The following MAP3K20 variants were observed in gnomAD, a reference collection of about 807,000 sequenced individuals.
MAP3K20 encodes the protein mitogen-activated protein kinase kinase kinase 20.
A neutral mutation model predicts 85.7 loss-of-function variants in MAP3K20; 40 were observed. The ratio of observed to expected loss-of-function variants is 0.47; its 90% confidence interval spans 0.36 to 0.61. MAP3K20 has a LOEUF of 0.61. MAP3K20 is among the 20% of genes least tolerant of loss of function. The probability of loss-of-function intolerance (pLI) is 0.00; values close to 1 mark genes in which losing one functional copy is unlikely to be tolerated. For synonymous variants in MAP3K20, 325 were observed against 327.7 expected (o/e 0.99, Z 0.09); for missense variants, 817 against 961.7 (o/e 0.85, Z 1.99).
Position 173,134,399 on chromosome 2 carries a change from T to C in MAP3K20, c.160-35406T>C, listed in dbSNP as rs1367138887. On this transcript the variant is annotated intron_variant, in intron 2 of 19. Transcript: ENST00000375213. ...GTGTGTGTGTGTCTCTATACATATA[T>C]ATATATATATATATATATATATATA... is the stretch of plus-strand genomic sequence containing the variant. 3.9e-3 allele frequency among the ~76,000 whole-genome samples: 36 copies of C among 9,236 alleles called. 2 individuals are homozygous for C. Among genetic ancestry groups the C allele is most frequent in the South Asian group, 6.1e-3 (2 of 330 alleles). 6.1% of individuals were successfully genotyped at this position (9,236 alleles called of 152,430 possible).
intron 9 of MAP3K20, among the ~76,000 whole-genome samples, chr2:173,205,472 C>T (rs1316161275): frequency 6.6e-6 from 1 of 152,160 alleles, no homozygotes; most frequent in Non-Finnish European, 1.5e-5. Flanking sequence ...GTTGATGGTT[C>T]ATAATGTTTC....
At chr2:173,111,958 T>C (rs1687987907) in intron 2 of MAP3K20, among the ~76,000 whole-genome samples, 1 of 152,146 alleles carries the variant, frequency 6.6e-6, no homozygotes, top group African/African-American at 2.4e-5. Context: ...AGAATGATGG[T>C]TGTATTTTGA....
At chr2:173,137,534 T>G (rs1487422127) in intron 2 of MAP3K20, among the ~76,000 whole-genome samples, 1 of 152,210 alleles carries the variant, frequency 6.6e-6, no homozygotes, top group Non-Finnish European at 1.5e-5. Flanking sequence ...AGAGAAATTG[T>G]CTAGTATGTA....
At chr2:173,222,031 C>A (rs758945011) in intron 11 of MAP3K20, 1 of 971,846 alleles carries the variant, frequency 1.0e-6, no homozygotes, top group South Asian at 4.8e-5. Flanking sequence ...AGTAAGACCT[C>A]GTCTCTACTA....
chr2:173,126,372 TTTTC>T lies in MAP3K20; in HGVS notation c.159+35190_159+35193del, dbSNP rs1487213396. Among the ~76,000 whole-genome samples the T allele has an allele frequency of 2.6e-5, 4 of 152,152 alleles. No homozygotes were observed. In the East Asian group the frequency reaches 7.8e-4, roughly 29 times the overall value. On this transcript the variant is annotated intron_variant, in intron 2 of 19. Transcript: ENST00000375213. Reference sequence around the variant, plus strand: ...GTAACGATGAATTTTTCTTTTTTCTTTTTCTTTCTTTTTGTTTTTGTTTTTGAGA... The same window carrying T: ...GTAACGATGAATTTTTCTTTTTTCTTTTTCTTTTTGTTTTTGTTTTTGAGA...
In MAP3K20 at chr2:173,076,016, T is replaced by C; in HGVS notation, c.-35+14T>C. The C allele has an allele frequency of 1.0e-6, 1 of 983,912 alleles. No individual in the cohort carries two copies. 60.9% of individuals were successfully genotyped at this position (983,912 alleles called of 1,614,324 possible). Reference sequence around the variant, plus strand: ...CCCGGGAGCCAGGTAGGGGTCAGGCTGGAGCCCGCGGAGGGCGGGGAGGGA... The same window carrying C: ...CCCGGGAGCCAGGTAGGGGTCAGGCCGGAGCCCGCGGAGGGCGGGGAGGGA... On this transcript the variant is annotated intron_variant, in intron 1 of 19. Transcript: ENST00000375213.
At chr2:173,113,655 C>T (rs1199393576) in intron 2 of MAP3K20, among the ~76,000 whole-genome samples, 2 of 152,186 alleles carry the variant, frequency 1.3e-5, no homozygotes, top group East Asian at 1.9e-4. Flanking sequence ...TGACCCAGTG[C>T]TTATTCAGGA....
At position 173,253,394 on chromosome 2, in the gene MAP3K20, A is replaced by T. The variant is rs183820515; in HGVS notation, c.1360-5305A>T. On this transcript the variant is annotated intron_variant, in intron 16 of 19. Transcript: ENST00000375213. ...GAATGCTGAGGTTCAGAAAGGTTAC[A>T]TAAGTTGGCTATGGTTGGGAGGAAA... Among the ~76,000 whole-genome samples the T allele has an allele frequency of 1.1e-3, 173 of 152,350 alleles. 1 individual carries two copies. Among genetic ancestry groups the T allele is most frequent in the South Asian group, 2.9e-3 (14 of 4,832 alleles).
intron 1 of MAP3K20, among the ~76,000 whole-genome samples, chr2:173,082,664 A>G (rs1222061182): frequency 1.3e-5 from 2 of 152,150 alleles, no homozygotes; most frequent in East Asian, 3.9e-4. Context: ...GACACCTGTG[A>G]ATTCCTCTTC....
intron 11 of MAP3K20, chr2:173,222,415 A>T: frequency 1.0e-6 from 1 of 985,846 alleles, no homozygotes; most frequent in Non-Finnish European, 1.2e-6. Context: ...CCAACAGCAG[A>T]TGTTGCAAAC....
In MAP3K20 at chr2:173,222,326, A is replaced by G. The variant is rs562193482; in HGVS notation, c.987+5076A>G. On this transcript the variant is annotated intron_variant, in intron 11 of 19. Transcript: ENST00000375213. ...CTAAGTGCTGAGAATTTTTAGTACTAAAGAGCACAGCTGCTCAAAGTAAAG... is the reference window on the plus strand; with the variant it reads ...CTAAGTGCTGAGAATTTTTAGTACTGAAGAGCACAGCTGCTCAAAGTAAAG... 8.3e-4 allele frequency: 822 copies of G among 985,926 alleles called. 1 individual carries two copies. Among genetic ancestry groups the G allele is most frequent in the Non-Finnish European group, 9.4e-4 (781 of 829,946 alleles). 61.1% of individuals were successfully genotyped at this position (985,926 alleles called of 1,614,324 possible).
Position 173,077,348 on chromosome 2 carries a change from A to G in MAP3K20, c.-35+1346A>G, listed in dbSNP as rs1421663977. Among the ~76,000 whole-genome samples the G allele has an allele frequency of 2.7e-5, 4 of 147,920 alleles. No homozygotes were observed. The East Asian group carries it at 7.9e-4, about 29-fold the overall frequency. On this transcript the variant is annotated intron_variant, in intron 1 of 19. Transcript: ENST00000375213. ...TCCTCTTTGTAGTAGGCCTATCTCCACAGTGAAATTTCACTTGTTTTTCAA... is the reference window on the plus strand; with the variant it reads ...TCCTCTTTGTAGTAGGCCTATCTCCGCAGTGAAATTTCACTTGTTTTTCAA...
intron 2 of MAP3K20, among the ~76,000 whole-genome samples, chr2:173,140,996 TAAAAA>T (rs1038123754): frequency 6.6e-6 from 1 of 152,016 alleles, no homozygotes; most frequent in African/African-American, 2.4e-5. Context: ...AGTAAAAACT[TAAAAA>T]AACTAGATTA....
In MAP3K20 at chr2:173,076,391, G is replaced by C. The variant is rs1335500372; in HGVS notation, c.-35+389G>C. 2.0e-5 allele frequency among the ~76,000 whole-genome samples: 3 copies of C among 152,114 alleles called. No homozygotes were observed. The East Asian group carries it at 5.8e-4, about 29-fold the overall frequency. On this transcript the variant is annotated intron_variant, in intron 1 of 19. Transcript: ENST00000375213. ...ACGGGCAGGGGCTCCGCGAGCAGCA[G>C]AGCCGGCCAAGCAGCGGGTGACTGG... is the stretch of plus-strand genomic sequence containing the variant.
chr2:173,076,681 C>G (rs942334009), intron 1 of MAP3K20, among the ~76,000 whole-genome samples: 2 of 152,254 alleles, frequency 1.3e-5, no homozygotes, highest in Non-Finnish European at 2.9e-5. Flanking sequence ...CGCTCCCCGC[C>G]CTTCCTGCCC....
intron 4 of MAP3K20, among the ~76,000 whole-genome samples, chr2:173,183,258 C>G (rs1358471512): frequency 2.0e-5 from 3 of 152,116 alleles, no homozygotes; most frequent in Non-Finnish European, 4.4e-5. Flanking sequence ...GCTTGCTTGA[C>G]ACATTAAATG....
chr2:173,215,485 T>C (rs964180233), intron 10 of MAP3K20: 13 of 152,226 alleles, frequency 8.5e-5, no homozygotes, highest in African/African-American at 3.1e-4. Flanking sequence ...TATGGTACAG[T>C]CATAATTCTG....
chr2:173,250,164 C>G lies in MAP3K20; in HGVS notation c.1360-8535C>G, dbSNP rs370594209. ...TCCTTTCTTGTATTTTAAAAACCAA[C>G]TACTCTAAGCTTGTTTGAGAATAAT... On this transcript the variant is annotated intron_variant, in intron 16 of 19. Transcript: ENST00000375213. Among the ~76,000 whole-genome samples the G allele has an allele frequency of 2.9e-3, 439 of 152,344 alleles. 2 individuals carry two copies. Among genetic ancestry groups the G allele is most frequent in the Non-Finnish European group, 4.1e-3 (281 of 68,032 alleles).
At chr2:173,150,067 G>A (rs1373856133) in intron 2 of MAP3K20, among the ~76,000 whole-genome samples, 2 of 152,152 alleles carry the variant, frequency 1.3e-5, no homozygotes, top group Admixed American at 1.3e-4. Context: ...ATCTGTGAAT[G>A]GACAGAAAAT....
Sources: allele counts gnomAD v4.1 joint callset (sites outside exome capture counted in the v4.1 genomes callset), GRCh38; gene constraint gnomAD v4.1.1; transcripts MANE v1.5; gene names NCBI Gene and HGNC (gene_info 2026-07-23, HGNC 2026-07-21).